ATAD3B: variants seen among roughly 807,000 people sequenced by gnomAD.
ATAD3B encodes ATPase family AAA domain containing 3B.
ATAD3B carries 59 observed loss-of-function variants against 70.2 expected under a neutral mutation model. The observed-to-expected ratio is 0.84, with a 90% CI of 0.68 to 1.04. ATAD3B has a LOEUF of 1.04. Ranked by LOEUF, ATAD3B falls within the 50% of genes least tolerant of loss-of-function variation. The pLI is 0.00. For synonymous variants in ATAD3B, 423 were observed against 388.6 expected, an observed-to-expected ratio of 1.09 and a Z score of -1.04; for missense variants, 961 against 913.4, an observed-to-expected ratio of 1.05 and a Z score of -0.67.
At chr1:1,495,341 T>C (rs574331127) in intron 15 of ATAD3B, 144 bp from the exon 16 acceptor site, 1 of 1,177,282 alleles carries the variant, frequency 8.5e-7, no homozygotes, top group East Asian at 2.5e-5. Context: ...TGCTGGGCTC[T>C]GCCAAGGTGT....
rs143190359 is a variant in ATAD3B, at chr1:1,490,659, C to T, written c.1602C>T (p.Ala534=). ...CGGGCCGGGAGATCGCTCAGCTGGC[C>T]GTGTCCTGGCAGGTGAGTCAGGCTC... ...GMSGREIAQL[A]VSWQATAYAS... Residue 534 remains alanine (A), a synonymous_variant, in exon 15 of 16, where the codon GCC becomes GCT. Coordinates refer to ENST00000673477, the MANE Select transcript of ATAD3B (RefSeq NM_031921.6). The T allele has an allele frequency of 9.7e-4, 1,545 of 1,591,784 alleles. 21 individuals are homozygous for T. In the African/African-American group the frequency reaches 0.015, roughly 15 times the overall value.
the ATAD3B span, among the ~76,000 whole-genome samples, chr1:1,506,241 AT>A: frequency 6.6e-6 from 1 of 152,040 alleles, no homozygotes; most frequent in Non-Finnish European, 1.5e-5. Context: ...TCGCAAAAAA[AT>A]AAAATAAGTT....
At chr1:1,502,113 A>T (rs552020039), downstream of ATAD3B, among the ~76,000 whole-genome samples, 2 of 151,800 alleles carry the variant, frequency 1.3e-5, no homozygotes, top group East Asian at 3.9e-4. Flanking sequence ...TCCTGACCTC[A>T]GGTGATCCGC....
At chr1:1,500,318 C>T (rs1474307226), downstream of ATAD3B, among the ~76,000 whole-genome samples, 51 of 149,658 alleles carry the variant, frequency 3.4e-4, no homozygotes, top group East Asian at 6.7e-3. Flanking sequence ...TTTGGGAGGC[C>T]GAGGCGGGCA....
intron 4 of ATAD3B, among the ~76,000 whole-genome samples, chr1:1,480,268 C>T (rs1224112132): frequency 7.1e-6 from 1 of 139,866 alleles, no homozygotes; most frequent in Non-Finnish European, 1.5e-5. Flanking sequence ...ACACGCCCTG[C>T]ACACCCCCAC....
chr1:1,486,971 G>A (rs1234832742), intron 11 of ATAD3B, among the ~76,000 whole-genome samples: 85 of 146,676 alleles, frequency 5.8e-4, no homozygotes, highest in Middle Eastern at 3.5e-3. Flanking sequence ...CTCCACAGCC[G>A]CCCTCCCCCC....
intron 1 of ATAD3B, among the ~76,000 whole-genome samples, chr1:1,474,392 A>G (rs1281143865): frequency 1.3e-5 from 2 of 149,578 alleles, no homozygotes; most frequent in African/African-American, 2.5e-5. Flanking sequence ...GGTTTTCACC[A>G]TGTTAGCCAG....
chr1:1,486,053 CA>C, intron 9 of ATAD3B, 56 bp from the exon 10 acceptor site: 2 of 1,610,908 alleles, frequency 1.2e-6, no homozygotes, highest in South Asian at 2.2e-5. Flanking sequence ...CAGCCCCTGT[CA>C]CCGAGGCTTC....
the ATAD3B span, among the ~76,000 whole-genome samples, chr1:1,506,247 T>A: frequency 6.6e-6 from 1 of 150,838 alleles, no homozygotes; most frequent in Non-Finnish European, 1.5e-5. Context: ...AAAAATAAAA[T>A]AAGTTTTTTT....
At position 1,489,393 on chromosome 1, in the gene ATAD3B, A is replaced by G. The variant is rs1417256789; in HGVS notation, c.1337+119A>G. 4 of 1,529,404 alleles carry G rather than the reference A, an allele frequency of 2.6e-6. 1 individual carries two copies. Among genetic ancestry groups the G allele is most frequent in the East Asian group, 2.3e-5 (1 of 44,194 alleles). The allele number at this position is 1,529,404 out of a possible 1,614,324, so 94.7% of individuals were successfully genotyped here. A position where few individuals can be genotyped will look rare whatever the true frequency, so the allele number is the denominator to read the frequency against. On this transcript the variant is annotated intron_variant, in intron 13 of 15. Coordinates refer to ENST00000673477, the MANE Select transcript of ATAD3B (RefSeq NM_031921.6). ...CACCAGCTGTGGCCTCAGTGTGCCC[A>G]CCTCAGATGTCCCCTGGGAACGGCC...
chr1:1,489,960 C>T (rs1640442069), intron 13 of ATAD3B: 10 of 1,269,632 alleles, frequency 7.9e-6, no homozygotes, highest in Admixed American at 3.4e-5. Context: ...GCTCAGGTAG[C>T]AGGAGGGAGT....
chr1:1,509,388 C>G, the ATAD3B span: 3,843 of 1,601,942 alleles, frequency 2.4e-3, 8 homozygotes, highest in Non-Finnish European at 3.0e-3. Flanking sequence ...AGCCTGGCCG[C>G]GGACCCCTCC....
At chr1:1,480,248 G>T in intron 4 of ATAD3B, among the ~76,000 whole-genome samples, 1 of 131,228 alleles carries the variant, frequency 7.6e-6, no homozygotes, top group East Asian at 2.4e-4. Context: ...GCACGTGAGG[G>T]CATGCACACA....
At position 1,479,215 on chromosome 1, in the gene ATAD3B, T is replaced by C. The variant is rs111830776; in HGVS notation, c.444+107T>C. ...CACGGGGCAAGAACGATGGGGTTGC[T>C]GACGGTGGGTGCTAGAGCAGGGGAA... On this transcript the variant is annotated intron_variant, in intron 4 of 15. Coordinates refer to ENST00000673477, the MANE Select transcript of ATAD3B (RefSeq NM_031921.6). 179 of 1,365,364 alleles carry C rather than the reference T, an allele frequency of 1.3e-4. 30 individuals carry two copies. The African/African-American group carries it at 2.6e-3, about 20-fold the overall frequency. The allele number at this position is 1,365,364 out of a possible 1,614,324, so 84.6% of individuals were successfully genotyped here. A position where few individuals can be genotyped will look rare whatever the true frequency, so the allele number is the denominator to read the frequency against.
chr1:1,489,244 TC>T lies in ATAD3B; in HGVS notation c.1309del (p.Leu437CysfsTer33), dbSNP rs759443049. ...SKDLRATLNA[F>X]LYHMGQHSNK... The stretch of plus-strand genomic sequence containing the variant: ...GACCTCAGAGCCACACTGAACGCCT[TC>T]CTGTACCACATGGGCCAACACAGCA... On this transcript the variant is annotated frameshift_variant, in exon 13 of 16. Coordinates refer to ENST00000673477, the MANE Select transcript of ATAD3B (RefSeq NM_031921.6). LOFTEE classifies it high-confidence loss of function. 1 of 1,613,610 alleles carries T rather than the reference TC, an allele frequency of 6.2e-7. No individual in the cohort carries two copies. Among genetic ancestry groups the T allele is most frequent in the Non-Finnish European group, 8.5e-7 (1 of 1,179,670 alleles).
intron 6 of ATAD3B, 118 bp downstream of exon 6, chr1:1,482,421 G>A (rs1570229138): frequency 1.3e-6 from 2 of 1,585,830 alleles, no homozygotes; most frequent in Non-Finnish European, 1.7e-6. Flanking sequence ...CTCCTTGGTG[G>A]GGGCACTGCC....
chr1:1,497,420 C>T lies in ATAD3B; in HGVS notation c.*1603C>T, dbSNP rs953863054. On this transcript the variant is annotated 3_prime_UTR_variant, in exon 16 of 16. Transcript: ENST00000673477. ...AATGCTAAAAATTTGTTGTAGAGAC[C>T]GAGTCTTGCTATAATGCCCAGGCTG... The T allele has an allele frequency of 1.5e-4, 22 of 149,202 alleles. No homozygotes were observed. The highest frequency in any genetic ancestry group is 5.9e-4 in the East Asian group (3 of 5,048). The allele number at this position is 149,202 out of a possible 1,614,324, so 9.2% of individuals were successfully genotyped here.
In ATAD3B at chr1:1,479,193, G is replaced by C; in HGVS notation, c.444+85G>C. On this transcript the variant is annotated intron_variant, in intron 4 of 15. Transcript: ENST00000673477. ...GACCAGTCAGTGGGTCAGAGGCCAC[G>C]GGGCAAGAACGATGGGGTTGCTGAC... 4.3e-6 allele frequency: 6 copies of C among 1,405,386 alleles called. 1 individual carries two copies. The South Asian group carries it at 7.9e-5, about 19-fold the overall frequency. 87.1% of individuals were successfully genotyped at this position (1,405,386 alleles called of 1,614,324 possible).
downstream of ATAD3B, among the ~76,000 whole-genome samples, chr1:1,499,484 G>A (rs1640895209): frequency 6.6e-6 from 1 of 151,416 alleles, no homozygotes; most frequent in African/African-American, 2.4e-5. Context: ...ATCCGCACTC[G>A]GCCTCCCAAA....
Sources: allele counts gnomAD v4.1 joint callset (sites outside exome capture counted in the v4.1 genomes callset), GRCh38; gene constraint gnomAD v4.1.1; transcripts MANE v1.5; gene names NCBI Gene and HGNC (gene_info 2026-07-23, HGNC 2026-07-21).